The following DIAPH2 variants were observed in gnomAD, a reference collection of about 807,000 sequenced individuals.
The protein encoded by DIAPH2 is protein diaphanous homolog 2.
DIAPH2 carries 35 observed loss-of-function variants against 92.7 expected under a neutral mutation model. That is an observed-to-expected ratio of 0.38 (90% CI 0.29 to 0.50). The LOEUF (loss-of-function observed/expected upper bound fraction) is 0.50. Among genes scored for constraint, DIAPH2 ranks in the 20% least tolerant of loss-of-function variants. The pLI, the probability that DIAPH2 is intolerant of heterozygous loss-of-function variation, is 0.94. For synonymous variants in DIAPH2, 301 were observed against 280.4 expected (o/e 1.07, Z -0.73); for missense variants, 701 against 819.5 (o/e 0.86, Z 1.77).
intron 4 of DIAPH2, among the ~76,000 whole-genome samples, chrX:96,873,227 C>A (rs757527069): frequency 2.7e-4 from 30 of 111,540 alleles, no homozygotes; most frequent in African/African-American, 9.1e-4. Context: ...TGTATGTCTT[C>A]TTTTGAGACA....
chrX:97,269,774 CAG>C (rs2068371035), intron 23 of DIAPH2, among the ~76,000 whole-genome samples: 1 of 98,655 alleles, frequency 1.0e-5, no homozygotes, highest in Non-Finnish European at 2.0e-5. Flanking sequence ...TTTTTTGAGA[CAG>C]AGTTTCAGTC....
chrX:96,951,333 C>T (rs1042795154), intron 15 of DIAPH2, among the ~76,000 whole-genome samples: 10 of 111,595 alleles, frequency 9.0e-5, no homozygotes, highest in African/African-American at 2.9e-4. Context: ...ACTCCATTAG[C>T]GAATTTCTCC....
chrX:97,123,074 A>G (rs1342588015), intron 21 of DIAPH2, among the ~76,000 whole-genome samples: 2 of 112,006 alleles, frequency 1.8e-5, no homozygotes, highest in Non-Finnish European at 3.8e-5. Flanking sequence ...AATATTCGCT[A>G]TAGTTTAGAC....
intron 17 of DIAPH2, among the ~76,000 whole-genome samples, chrX:96,970,858 T>C (rs1376523887): frequency 1.8e-5 from 2 of 111,550 alleles, no homozygotes; most frequent in African/African-American, 6.5e-5. Context: ...TCTAACTTTT[T>C]CAGGTAGGCC....
intron 1 of DIAPH2, among the ~76,000 whole-genome samples, chrX:96,726,476 C>A (rs7058735): frequency 0.19 from 21,518 of 111,049 alleles, 1,552 homozygotes; most frequent in East Asian, 0.32. Context: ...CAACTGTATC[C>A]TTAGCTGAGA....
intron 18 of DIAPH2, among the ~76,000 whole-genome samples, chrX:97,074,285 A>G (rs1364245265): frequency 9.0e-6 from 1 of 111,336 alleles, no homozygotes; most frequent in Non-Finnish European, 1.9e-5. Context: ...TCATGCCTGT[A>G]ATCCCAGCTA....
intron 16 of DIAPH2, among the ~76,000 whole-genome samples, chrX:96,958,581 A>G (rs2065827745): frequency 8.9e-6 from 1 of 111,964 alleles, no homozygotes; most frequent in Admixed American, 9.5e-5. Flanking sequence ...TGTGTTGAGA[A>G]CATTCAGATC....
At chrX:96,711,517 A>G (rs1009480181) in intron 1 of DIAPH2, among the ~76,000 whole-genome samples, 8 of 110,946 alleles carry the variant, frequency 7.2e-5, no homozygotes, top group Non-Finnish European at 1.3e-4. Flanking sequence ...CCACTTTTTG[A>G]TGGGATTATT....
intron 22 of DIAPH2, among the ~76,000 whole-genome samples, chrX:97,194,343 G>A (rs1225083077): frequency 4.8e-5 from 5 of 104,553 alleles, no homozygotes; most frequent in South Asian, 9.0e-4. Context: ...GTGCAGTGGC[G>A]TGATCTTGGC....
intron 26 of DIAPH2, among the ~76,000 whole-genome samples, chrX:97,479,653 T>A (rs1011122040): frequency 8.9e-6 from 1 of 112,279 alleles, no homozygotes; most frequent in Non-Finnish European, 1.9e-5. Flanking sequence ...ATAAAATGAA[T>A]GGTTTAGAAT....
chrX:96,939,691 G>GTTTTTT (rs2065690391), intron 12 of DIAPH2, among the ~76,000 whole-genome samples: 1 of 34,516 alleles, frequency 2.9e-5, no homozygotes, highest in Non-Finnish European at 6.3e-5. Flanking sequence ...TTGAGACGGA[G>GTTTTTT]TTTCGCTCTG....
At chrX:96,979,666 C>T (rs756150573) in intron 17 of DIAPH2, among the ~76,000 whole-genome samples, 1 of 112,157 alleles carries the variant, frequency 8.9e-6, no homozygotes, top group African/African-American at 3.2e-5. Flanking sequence ...ATTGTTTTCT[C>T]GCATGTACCA....
At chrX:97,247,258 A>G (rs2068150231) in intron 22 of DIAPH2, among the ~76,000 whole-genome samples, 1 of 111,903 alleles carries the variant, frequency 8.9e-6, no homozygotes, top group African/African-American at 3.2e-5. Context: ...TACCATAGAT[A>G]TTGGTTTATA....
At chrX:97,360,493 G>A (rs992775810) in intron 24 of DIAPH2, among the ~76,000 whole-genome samples, 4 of 109,673 alleles carry the variant, frequency 3.6e-5, no homozygotes, top group African/African-American at 1.0e-4. Flanking sequence ...GCATAGTGCC[G>A]GGCGCCTATA....
intron 17 of DIAPH2, among the ~76,000 whole-genome samples, chrX:97,064,583 AC>A (rs1451218470): frequency 2.7e-5 from 3 of 110,286 alleles, no homozygotes; most frequent in East Asian, 5.7e-4. Context: ...AATTAATAAC[AC>A]CCAGCACCTC....
chrX:96,688,236 T>A (rs1344953050), intron 1 of DIAPH2, among the ~76,000 whole-genome samples: 4 of 112,879 alleles, frequency 3.5e-5, no homozygotes, highest in African/African-American at 1.3e-4. Flanking sequence ...TTCTGAAGCC[T>A]TTGGTTCTTC....
chrX:96,723,916 ATTT>A (rs149595440), intron 1 of DIAPH2, among the ~76,000 whole-genome samples: 1 of 71,298 alleles, frequency 1.4e-5, no homozygotes, highest in African/African-American at 5.7e-5. Flanking sequence ...TGATTCTATA[ATTT>A]TTTTTTTTTT....
At chrX:96,999,498 C>CAA (rs756579556) in intron 17 of DIAPH2, among the ~76,000 whole-genome samples, 38 of 47,190 alleles carry the variant, frequency 8.1e-4, no homozygotes, top group African/African-American at 1.6e-3. Flanking sequence ...GAGACTGTCT[C>CAA]AAAAAAAAAA....
At chrX:97,147,110 T>C (rs769411738) in intron 22 of DIAPH2, among the ~76,000 whole-genome samples, 15 of 111,528 alleles carry the variant, frequency 1.3e-4, no homozygotes, top group African/African-American at 4.9e-4. Context: ...CTTTTAAACA[T>C]TGTCATAGGC....
Sources: allele counts gnomAD v4.1 joint callset (sites outside exome capture counted in the v4.1 genomes callset), GRCh38; gene constraint gnomAD v4.1.1; transcripts MANE v1.5; gene names NCBI Gene and HGNC (gene_info 2026-07-23, HGNC 2026-07-21).